Variants in GRM3 observed in about 807,000 individuals in gnomAD.
The protein encoded by GRM3 is metabotropic glutamate receptor 3.
A neutral mutation model predicts 70.5 loss-of-function variants in GRM3; 26 were observed. The ratio of observed to expected loss-of-function variants is 0.37; its 90% CI spans 0.27 to 0.51. The LOEUF is 0.51. Among genes scored for constraint, GRM3 ranks in the 20% least tolerant of loss-of-function variants. The pLI is 0.93. For missense variants in GRM3, 859 were observed against 1,123.8 expected (o/e 0.76, Z 3.37); for synonymous variants, 443 against 434.9 (o/e 1.02, Z -0.23).
In GRM3 at chr7:86,655,559, C is replaced by T. The variant is rs926633724; in HGVS notation, c.-141+10687C>T. Among the ~76,000 whole-genome samples, 3 of 148,122 alleles carry T rather than the reference C, an allele frequency of 2.0e-5. No homozygotes were observed. The East Asian group carries it at 5.8e-4, about 29-fold the overall frequency. On this transcript the variant is annotated intron_variant, in intron 1 of 5. Transcript: ENST00000361669. ...CAATTCAAAAATTAGTATGCCTAGACCAATACAATAATTGAAACTTTGAGC... is the reference window on the plus strand; with the variant it reads ...CAATTCAAAAATTAGTATGCCTAGATCAATACAATAATTGAAACTTTGAGC...
intron 2 of GRM3, 52 bp downstream of exon 2, chr7:86,765,665 T>G: frequency 6.7e-7 from 1 of 1,493,606 alleles, no homozygotes. Context: ...TGCTTTTATG[T>G]GTTGGGGGAA....
At chr7:86,837,867 CTTCTAA>C (rs1378263057) in intron 3 of GRM3, among the ~76,000 whole-genome samples, 5 of 152,178 alleles carry the variant, frequency 3.3e-5, no homozygotes, top group African/African-American at 4.8e-5. Context: ...CAACATTTGT[CTTCTAA>C]TTCTAAGAAA....
chr7:86,768,397 G>A (rs917319319), intron 2 of GRM3, among the ~76,000 whole-genome samples: 2 of 152,176 alleles, frequency 1.3e-5, no homozygotes, highest in Non-Finnish European at 2.9e-5. Context: ...AGCTCCTACT[G>A]TGTGCACTGC....
intron 1 of GRM3, among the ~76,000 whole-genome samples, chr7:86,690,800 G>C (rs774320627): frequency 6.6e-6 from 1 of 152,062 alleles, no homozygotes; most frequent in Non-Finnish European, 1.5e-5. Flanking sequence ...GGAGGTTTGA[G>C]GGGGAAGCTT....
chr7:86,714,372 T>C (rs1795269350), intron 1 of GRM3, among the ~76,000 whole-genome samples: 1 of 151,946 alleles, frequency 6.6e-6, no homozygotes, highest in Admixed American at 6.6e-5. Flanking sequence ...ATAGTAATAA[T>C]AATAGCAACA....
At chr7:86,711,341 T>C (rs1292691572) in intron 1 of GRM3, among the ~76,000 whole-genome samples, 1 of 152,198 alleles carries the variant, frequency 6.6e-6, no homozygotes, top group East Asian at 1.9e-4. Flanking sequence ...TGCACATATG[T>C]ATATAAATAT....
intron 1 of GRM3, among the ~76,000 whole-genome samples, chr7:86,750,883 A>G (rs915005659): frequency 5.3e-5 from 8 of 152,060 alleles, no homozygotes; most frequent in Non-Finnish European, 8.8e-5. Context: ...GTATACCTAA[A>G]AGGTCAGGAT....
chr7:86,722,234 C>T (rs1162835218), intron 1 of GRM3, among the ~76,000 whole-genome samples: 1 of 151,974 alleles, frequency 6.6e-6, no homozygotes, highest in East Asian at 1.9e-4. Flanking sequence ...CCATTTGACC[C>T]AGCAATCCCA....
At chr7:86,811,238 A>G (rs1279286229) in intron 3 of GRM3, among the ~76,000 whole-genome samples, 2 of 151,962 alleles carry the variant, frequency 1.3e-5, no homozygotes, top group African/African-American at 4.8e-5. Context: ...GAACAACAAT[A>G]AAGTTTTGCT....
chr7:86,680,889 T>G (rs1004293049), intron 1 of GRM3, among the ~76,000 whole-genome samples: 1 of 152,150 alleles, frequency 6.6e-6, no homozygotes, highest in African/African-American at 2.4e-5. Context: ...CCTGCCCACA[T>G]GTAATGTACC....
At chr7:86,664,092 A>G (rs1177847259) in intron 1 of GRM3, among the ~76,000 whole-genome samples, 1 of 152,142 alleles carries the variant, frequency 6.6e-6, no homozygotes, top group East Asian at 1.9e-4. Context: ...TTATCCAAGA[A>G]CAACAGAAAA....
chr7:86,706,948 A>G (rs1392169095), intron 1 of GRM3, among the ~76,000 whole-genome samples: 1 of 152,112 alleles, frequency 6.6e-6, no homozygotes, highest in African/African-American at 2.4e-5. Context: ...TTGCACTTAG[A>G]TATTTTTCAG....
chr7:86,845,968 T>C (rs1798647861), intron 4 of GRM3, among the ~76,000 whole-genome samples: 1 of 152,172 alleles, frequency 6.6e-6, no homozygotes, highest in African/African-American at 2.4e-5. Flanking sequence ...CAAGTGTGTT[T>C]TGCTTCTTTT....
intron 1 of GRM3, among the ~76,000 whole-genome samples, chr7:86,656,361 C>A (rs900487782): frequency 6.6e-6 from 1 of 150,880 alleles, no homozygotes; most frequent in Non-Finnish European, 1.5e-5. Flanking sequence ...CTCTGCCTCC[C>A]GGGTTCAAGC....
intron 1 of GRM3, among the ~76,000 whole-genome samples, chr7:86,690,464 G>A (rs77735968): frequency 0.013 from 2,040 of 152,250 alleles, 37 homozygotes; most frequent in African/African-American, 0.047. Flanking sequence ...AAGAGGTGAA[G>A]TGAGAAGATC....
At chr7:86,750,243 C>T (rs1796198824) in intron 1 of GRM3, among the ~76,000 whole-genome samples, 1 of 152,094 alleles carries the variant, frequency 6.6e-6, no homozygotes, top group Non-Finnish European at 1.5e-5. Context: ...AGAATTGCTG[C>T]AGCTCACAAG....
At chr7:86,800,906 G>A (rs923377445) in intron 3 of GRM3, among the ~76,000 whole-genome samples, 3 of 151,970 alleles carry the variant, frequency 2.0e-5, no homozygotes, top group Non-Finnish European at 2.9e-5. Flanking sequence ...ATGGCAAACC[G>A]AATCCAGCAG....
intron 1 of GRM3, among the ~76,000 whole-genome samples, chr7:86,646,016 T>TG (rs1562811332): frequency 1.2e-3 from 12 of 9,894 alleles, no homozygotes; most frequent in Non-Finnish European, 1.9e-3. Context: ...TGGGGGGGGG[T>TG]GGGAGGGAGT....
chr7:86,722,561 A>T (rs1199224637), intron 1 of GRM3, among the ~76,000 whole-genome samples: 4 of 127,920 alleles, frequency 3.1e-5, no homozygotes, highest in Non-Finnish European at 6.4e-5. Context: ...ATGAAAACAC[A>T]TGGACATGGA....
Sources: gnomAD v4.1 joint callset for allele counts (sites outside exome capture counted in the v4.1 genomes callset) on GRCh38, gnomAD v4.1.1 for gene constraint, MANE v1.5 for transcripts, NCBI Gene and HGNC (gene_info 2026-07-23, HGNC 2026-07-21) for gene names.